The following RPAP2 variants were observed in gnomAD, a reference collection of about 807,000 sequenced individuals.
RPAP2 encodes RNA polymerase II associated protein 2.
In RPAP2, 52 loss-of-function variants were observed where a neutral mutation model predicts 73.1. That is an observed-to-expected ratio of 0.71 (90% CI 0.57 to 0.90). The LOEUF (loss-of-function observed/expected upper bound fraction) is 0.90, where lower values mean the gene tolerates loss of function less well. RPAP2 is among the 40% of genes least tolerant of loss of function. The pLI is 0.00. For missense variants in RPAP2, 598 were observed against 701.8 expected, an observed-to-expected ratio of 0.85 and a Z score of 1.67; for synonymous variants, 225 against 242.1, an observed-to-expected ratio of 0.93 and a Z score of 0.65.
intron 6 of RPAP2, among the ~76,000 whole-genome samples, chr1:92,308,374 A>G (rs1050953291): frequency 7.2e-5 from 11 of 152,202 alleles, no homozygotes; most frequent in African/African-American, 2.7e-4. Flanking sequence ...GGAAGCTAAG[A>G]GTACTTTTTT....
At position 92,324,379 on chromosome 1, in the gene RPAP2, T is replaced by C; in HGVS notation, c.1455+4T>C. 1.3e-6 allele frequency: 2 copies of C among 1,598,292 alleles called. No individual in the cohort carries two copies. Among genetic ancestry groups the C allele is most frequent in the Non-Finnish European group, 1.7e-6 (2 of 1,171,564 alleles). ...CAAATCACAAGACTCAGAAGAGGTA[T>C]GTCTTACAGACATTGAGTTTTTCCA... On this transcript the variant is annotated splice_donor_region_variant and intron_variant, in intron 8 of 12. Coordinates refer to ENST00000610020, the MANE Select transcript of RPAP2 (RefSeq NM_024813.3).
chr1:92,326,729 A>G (rs2101194672), intron 8 of RPAP2, among the ~76,000 whole-genome samples: 1 of 152,278 alleles, frequency 6.6e-6, no homozygotes, highest in Admixed American at 6.5e-5. Flanking sequence ...GTTGTCAGGG[A>G]AGTGGGGGAA....
At chr1:92,325,440 T>C (rs1048369676) in intron 8 of RPAP2, among the ~76,000 whole-genome samples, 13 of 152,154 alleles carry the variant, frequency 8.5e-5, no homozygotes, top group African/African-American at 2.9e-4. Context: ...AGGAGAAACA[T>C]TGATCTCTGT....
At chr1:92,354,490 T>G (rs1421186822) in intron 11 of RPAP2, among the ~76,000 whole-genome samples, 1 of 152,224 alleles carries the variant, frequency 6.6e-6, no homozygotes, top group Non-Finnish European at 1.5e-5. Flanking sequence ...CAAACCTATG[T>G]GTAATATATC....
At chr1:92,317,993 A>G (rs1193025923) in intron 6 of RPAP2, among the ~76,000 whole-genome samples, 2 of 152,142 alleles carry the variant, frequency 1.3e-5, no homozygotes, top group Middle Eastern at 3.4e-3. Flanking sequence ...CTCTATCTCA[A>G]TCTGCAGCTA....
chr1:92,310,052 G>A (rs889745113), intron 6 of RPAP2, among the ~76,000 whole-genome samples: 12 of 152,092 alleles, frequency 7.9e-5, no homozygotes, highest in African/African-American at 2.4e-4. Flanking sequence ...CTAGTGATCC[G>A]TATGAGACCA....
chr1:92,329,251 G>A (rs2101207109), intron 8 of RPAP2, among the ~76,000 whole-genome samples: 1 of 152,228 alleles, frequency 6.6e-6, no homozygotes, highest in South Asian at 2.1e-4. Context: ...CGGCTACCAG[G>A]GCCAGTAGAG....
intron 2 of RPAP2, 91 bp downstream of exon 2, chr1:92,300,330 T>C: frequency 9.8e-7 from 1 of 1,021,326 alleles, no homozygotes; most frequent in Non-Finnish European, 1.5e-6. Flanking sequence ...TACCTTTTTT[T>C]TTTTAGAGAA....
At chr1:92,318,097 T>C (rs1652030905) in intron 6 of RPAP2, among the ~76,000 whole-genome samples, 1 of 152,250 alleles carries the variant, frequency 6.6e-6, no homozygotes, top group African/African-American at 2.4e-5. Flanking sequence ...ACTTTTGTTT[T>C]CTTGAGCTCT....
chr1:92,320,677 TA>T (rs1213186617), intron 7 of RPAP2, 43 bp downstream of exon 7: 1 of 1,517,446 alleles, frequency 6.6e-7, no homozygotes, highest in East Asian at 2.3e-5. Flanking sequence ...ATATTTATGT[TA>T]ATAGAAACAT....
At chr1:92,380,894 T>C in intron 12 of RPAP2, 21 bp downstream of exon 12, 1 of 1,537,408 alleles carries the variant, frequency 6.5e-7, no homozygotes, top group Non-Finnish European at 8.7e-7. Context: ...TTGTGTTTTA[T>C]TTTGGTTTTT....
chr1:92,323,455 G>A lies in RPAP2; in HGVS notation c.535G>A (p.Gly179Arg). The change falls in exon 8 of 13, where the codon GGA becomes AGA. Residue 179 changes from glycine (G) to arginine (R), a missense_variant. Physicochemically the swap from Gly to Arg is moderately radical, Grantham distance 125. Transcript: ENST00000610020. ...TCTTTCATTCTACAGTGGCCATTCT[G>A]GAGAAGAAGTACAGTTATGCAGTAA... ...LLKEEQSGHS[G>R]EEVQLCSKAI... is the part of the protein sequence containing the mutation. 1 of 1,580,126 alleles carries A rather than the reference G, an allele frequency of 6.3e-7. No individual in the cohort carries two copies. Among genetic ancestry groups the A allele is most frequent in the Non-Finnish European group, 8.6e-7 (1 of 1,162,632 alleles).
At chr1:92,305,630 A>G (rs1651179257) in intron 5 of RPAP2, among the ~76,000 whole-genome samples, 1 of 152,014 alleles carries the variant, frequency 6.6e-6, no homozygotes, top group Non-Finnish European at 1.5e-5. Flanking sequence ...TTAACTGACC[A>G]TAGAATCATA....
intron 11 of RPAP2, among the ~76,000 whole-genome samples, chr1:92,377,399 G>A (rs1655425109): frequency 6.6e-6 from 1 of 151,520 alleles, no homozygotes; most frequent in Non-Finnish European, 1.5e-5. Context: ...CACGCCTGTA[G>A]TCCAGCTACT....
chr1:92,365,063 T>C (rs1024622898), intron 11 of RPAP2, among the ~76,000 whole-genome samples: 3 of 152,192 alleles, frequency 2.0e-5, no homozygotes, highest in African/African-American at 7.2e-5. Flanking sequence ...TTGAAACTTA[T>C]TTTCTTTTCA....
chr1:92,382,680 G>C (rs547099544), intron 12 of RPAP2, among the ~76,000 whole-genome samples: 1 of 151,810 alleles, frequency 6.6e-6, no homozygotes, highest in South Asian at 2.1e-4. Flanking sequence ...GCCCTTTGTC[G>C]ATGAGTAGGT....
At chr1:92,373,088 G>A (rs1389412512) in intron 11 of RPAP2, among the ~76,000 whole-genome samples, 7 of 152,216 alleles carry the variant, frequency 4.6e-5, no homozygotes, top group East Asian at 1.9e-4. Flanking sequence ...TCCTCATGAC[G>A]TTCACATTCT....
intron 5 of RPAP2, 85 bp from the exon 6 acceptor site, chr1:92,307,103 G>A (rs1340990362): frequency 3.8e-5 from 34 of 889,840 alleles, no homozygotes; most frequent in African/African-American, 6.8e-5. Flanking sequence ...TTCTTTGAAC[G>A]ATACATTTAT....
At chr1:92,351,305 C>CAAAAAAAAAAA (rs60111119) in intron 11 of RPAP2, among the ~76,000 whole-genome samples, 11 of 86,836 alleles carry the variant, frequency 1.3e-4, no homozygotes, top group African/African-American at 4.2e-4. Flanking sequence ...GACTCTGTCT[C>CAAAAAAAAAAA]AAAAAAAAAA....
Sources: gnomAD v4.1 joint callset for allele counts (sites outside exome capture counted in the v4.1 genomes callset) on GRCh38, gnomAD v4.1.1 for gene constraint, MANE v1.5 for transcripts, NCBI Gene and HGNC (gene_info 2026-07-23, HGNC 2026-07-21) for gene names.